GPN2: variants seen among roughly 807,000 people sequenced by gnomAD.
GPN2 encodes the protein ATP-binding domain 1 family member B.
Under a neutral mutation model 30.1 loss-of-function variants are expected in GPN2, and 27 were observed. The observed-to-expected ratio is 0.90, with a 90% CI of 0.66 to 1.24. GPN2 has a LOEUF of 1.24. Ranked by LOEUF, GPN2 falls within the 50% of genes most tolerant of loss-of-function variation. GPN2 has a pLI of 0.00. For missense variants in GPN2, 406 were observed against 405.4 expected, an observed-to-expected ratio of 1.00 and a Z score of -0.01; for synonymous variants, 212 against 174.4, an observed-to-expected ratio of 1.22 and a Z score of -1.70.
chr1:26,889,999 A>G lies in GPN2; in HGVS notation c.98T>C (p.Leu33Pro). The change falls in exon 1 of 5, where the codon CTG (leucine) becomes CCG (proline). Residue 33 changes from leucine to proline, a missense_variant. By Grantham distance (98) the Leu-to-Pro change is moderately conservative. Coordinates refer to ENST00000374135, the MANE Select transcript of GPN2 (RefSeq NM_018066.4). ...TTYCLGMSEF[L>P]RALGRRVAVV... ...CGCCACGCGCCGGCCCAGCGCGCGC[A>G]GGAACTCACTCATGCCCAGGCAGTA... 2.5e-6 allele frequency: 4 copies of G among 1,601,000 alleles called. No individual in the cohort carries two copies. Among genetic ancestry groups the G allele is most frequent in the Non-Finnish European group, 3.4e-6 (4 of 1,179,260 alleles).
Position 26,890,025 on chromosome 1 carries a change from C to G in GPN2, c.72G>C (p.Thr24=). 1 of 1,597,174 alleles carries G rather than the reference C, an allele frequency of 6.3e-7. No homozygotes were observed. The highest frequency in any genetic ancestry group is 8.5e-7 in the Non-Finnish European group (1 of 1,178,258). ...GGAACTCACTCATGCCCAGGCAGTA[C>G]GTGGTCTTCCCTGAGCCCGGCGGGC... is the stretch of plus-strand genomic sequence containing the variant. ...VIGPPGSGKT[T]YCLGMSEFLR... The change falls in exon 1 of 5, where the codon ACG becomes ACC. Residue 24 remains threonine (T), a synonymous_variant. Coordinates refer to ENST00000374135, the MANE Select transcript of GPN2 (RefSeq NM_018066.4).
At chr1:26,885,909 T>C in intron 3 of GPN2, 64 bp downstream of exon 3, 1 of 1,305,954 alleles carries the variant, frequency 7.7e-7, no homozygotes. Flanking sequence ...CCCTCAAAGC[T>C]TCCTGTGCTT....
In GPN2 at chr1:26,889,263, G is replaced by A. The variant is rs1330854322; in HGVS notation, c.412-138C>T. 2.3e-5 allele frequency: 16 copies of A among 687,884 alleles called. No homozygotes were observed. The African/African-American group carries it at 2.9e-4, about 12-fold the overall frequency. The allele number at this position is 687,884 out of a possible 1,614,324, so 42.6% of individuals were successfully genotyped here. ...TCTGTTTCTTTCTAATAACCACCCT[G>A]GTTTCCTTCTCCCAGGAAATAGGAG... is the stretch of plus-strand genomic sequence containing the variant. On this transcript the variant is annotated intron_variant, in intron 1 of 4. Transcript: ENST00000374135.
chr1:26,890,255 G>C lies in GPN2; in HGVS notation c.-159C>G, dbSNP rs992666705. On this transcript the variant is annotated 5_prime_UTR_variant, in exon 1 of 5. Coordinates refer to ENST00000374135, the MANE Select transcript of GPN2 (RefSeq NM_018066.4). Reference sequence around the variant, plus strand: ...ACAGCTGAGACCGTGTCGCGCAAAAGGAGATAACAGGCCGATACTAACTAG... The same window carrying C: ...ACAGCTGAGACCGTGTCGCGCAAAACGAGATAACAGGCCGATACTAACTAG... 1.3e-5 allele frequency: 8 copies of C among 631,652 alleles called. No homozygotes were observed. The African/African-American group carries it at 1.3e-4, about 10-fold the overall frequency. 39.1% of individuals were successfully genotyped at this position (631,652 alleles called of 1,614,324 possible). A position where few individuals can be genotyped will look rare whatever the true frequency, so the allele number is the denominator to read the frequency against.
At chr1:26,888,869 G>C in intron 2 of GPN2, 100 bp downstream of exon 2, 1 of 1,179,752 alleles carries the variant, frequency 8.5e-7, no homozygotes, top group Non-Finnish European at 1.2e-6. Flanking sequence ...ACTATCACCA[G>C]ACCACGCAAG....
chr1:26,881,173 A>G (rs2081862582), intron 4 of GPN2, among the ~76,000 whole-genome samples: 1 of 152,212 alleles, frequency 6.6e-6, no homozygotes, highest in Non-Finnish European at 1.5e-5. Flanking sequence ...ATGCTCCTTG[A>G]CTTATGATGG....
chr1:26,884,039 CA>C (rs373357961), intron 4 of GPN2, 120 bp downstream of exon 4: 85,990 of 418,258 alleles, frequency 0.21, 4 homozygotes, highest in South Asian at 0.24. Flanking sequence ...GACTCCATCT[CA>C]AAAAAAAAAA....
chr1:26,881,913 G>A (rs1328101590), intron 4 of GPN2, among the ~76,000 whole-genome samples: 1 of 151,880 alleles, frequency 6.6e-6, no homozygotes, highest in Non-Finnish European at 1.5e-5. Flanking sequence ...CTGCCTCTAA[G>A]AAATAAATAT....
chr1:26,877,963 C>T lies in GPN2; in HGVS notation c.*1714G>A, dbSNP rs921749753. ...CAGAGAATTGCTTGAACCTGGGAGG[C>T]GGAGGTTGCAGTGAGCCGAGATTGT... On this transcript the variant is annotated 3_prime_UTR_variant, in exon 5 of 5. Transcript: ENST00000374135. 7.2e-5 allele frequency: 11 copies of T among 152,056 alleles called. No homozygotes were observed. The highest frequency in any genetic ancestry group is 1.5e-5 in the Non-Finnish European group (1 of 68,008). 9.4% of individuals were successfully genotyped at this position (152,056 alleles called of 1,614,324 possible).
chr1:26,885,086 G>T (rs751382931), intron 3 of GPN2, among the ~76,000 whole-genome samples: 1 of 152,198 alleles, frequency 6.6e-6, no homozygotes, highest in African/African-American at 2.4e-5. Flanking sequence ...GCAAAATTAT[G>T]TATGTGTAGT....
chr1:26,885,619 G>A (rs1466104543), intron 3 of GPN2, among the ~76,000 whole-genome samples: 2 of 139,068 alleles, frequency 1.4e-5, no homozygotes, highest in Non-Finnish European at 3.0e-5. Flanking sequence ...TCACTCTGTC[G>A]CCCAGGCTGG....
In GPN2 at chr1:26,876,905, C is replaced by A. The variant is rs942617761; in HGVS notation, c.*2772G>T. 1.3e-5 allele frequency: 2 copies of A among 151,858 alleles called. No homozygotes were observed. Among genetic ancestry groups the A allele is most frequent in the African/African-American group, 4.8e-5 (2 of 41,342 alleles). 9.4% of individuals were successfully genotyped at this position (151,858 alleles called of 1,614,324 possible). A position where few individuals can be genotyped will look rare whatever the true frequency, so the allele number is the denominator to read the frequency against. ...CGAGACCATAAAGTTGTAAAGGATG[C>A]CTTCCAGCCCCCATTTGGTTTGTTA... On this transcript the variant is annotated 3_prime_UTR_variant, in exon 5 of 5. Coordinates refer to ENST00000374135, the MANE Select transcript of GPN2 (RefSeq NM_018066.4).
intron 1 of GPN2, 47 bp downstream of exon 1, chr1:26,889,639 C>T: frequency 6.6e-7 from 1 of 1,522,106 alleles, no homozygotes; most frequent in Non-Finnish European, 8.9e-7. Context: ...TCCTCCCTGT[C>T]TCAGTTACTC....
Position 26,889,958 on chromosome 1 carries a change from G to C in GPN2, c.139C>G (p.Pro47Ala). The C allele has an allele frequency of 6.2e-7, 1 of 1,606,392 alleles. No homozygotes were observed. Among genetic ancestry groups the C allele is most frequent in the Non-Finnish European group, 8.5e-7 (1 of 1,179,300 alleles). The change falls in exon 1 of 5, where the codon CCG becomes GCG. Residue 47 changes from proline (P) to alanine (A), a missense_variant. Coordinates refer to ENST00000374135, the MANE Select transcript of GPN2 (RefSeq NM_018066.4). ...GRRVAVVNLD[P>A]ANEGLPYECA... ...TCGTACGGCAGCCCCTCGTTGGCCG[G>C]GTCCAGGTTCACCACCGCCACGCGC... is the stretch of plus-strand genomic sequence containing the variant.
chr1:26,884,212 T>G lies in GPN2; in HGVS notation c.808A>C (p.Ser270Arg). 6.2e-7 allele frequency: 1 copy of G among 1,614,016 alleles called. No individual in the cohort carries two copies. Among genetic ancestry groups the G allele is most frequent in the Non-Finnish European group, 8.5e-7 (1 of 1,179,980 alleles). ...GCGGCAGACATCATGGCTTCCAAGC[T>G]TCGCTGCTCTTGGGCTCTGAAACAG... Reference protein sequence around the residue: ...GYCFRAQEQRSLEAMMSAAMG... With the variant: ...GYCFRAQEQRRLEAMMSAAMG... The change falls in exon 4 of 5, where the codon AGC becomes CGC. Residue 270 changes from serine to arginine, a missense_variant. Ser to Arg is a moderately radical substitution (Grantham distance 110). Coordinates refer to ENST00000374135, the MANE Select transcript of GPN2 (RefSeq NM_018066.4).
chr1:26,889,863 G>A lies in GPN2; in HGVS notation c.234C>T (p.Asn78=), dbSNP rs370436473. The A allele has an allele frequency of 2.9e-5, 46 of 1,612,436 alleles. No individual in the cohort carries two copies. The highest frequency in any genetic ancestry group is 2.6e-5 in the Non-Finnish European group (31 of 1,179,290). The change falls in exon 1 of 5, where the codon AAC becomes AAT. Residue 78 remains asparagine, a synonymous_variant. Transcript: ENST00000374135. ...DVMDALRLGP[N]GGLLYCMEYL... is the part of the protein sequence containing the mutation. The stretch of plus-strand genomic sequence containing the variant: ...ACTCCATGCAGTAGAGCAGGCCGCC[G>A]TTGGGCCCCAGGCGCAGCGCGTCCA...
At chr1:26,887,564 A>C (rs924194148) in intron 2 of GPN2, among the ~76,000 whole-genome samples, 2 of 142,954 alleles carry the variant, frequency 1.4e-5, no homozygotes, top group African/African-American at 5.1e-5. Context: ...GAGAGTACTA[A>C]TTTTTTTTTT....
intron 2 of GPN2, among the ~76,000 whole-genome samples, chr1:26,886,878 A>G (rs2081893708): frequency 6.6e-6 from 1 of 151,924 alleles, no homozygotes; most frequent in Admixed American, 6.6e-5. Flanking sequence ...CTGTAATCCC[A>G]GCTACACGGG....
chr1:26,888,548 C>T (rs2081903188), intron 2 of GPN2, among the ~76,000 whole-genome samples: 1 of 152,224 alleles, frequency 6.6e-6, no homozygotes, highest in Non-Finnish European at 1.5e-5. Flanking sequence ...CCTTGGCTGG[C>T]TCCTTCTCAC....
Sources: allele counts gnomAD v4.1 joint callset (sites outside exome capture counted in the v4.1 genomes callset), GRCh38; gene constraint gnomAD v4.1.1; transcripts MANE v1.5; gene names NCBI Gene and HGNC (gene_info 2026-07-23, HGNC 2026-07-21).